TMEM232: variants seen among roughly 807,000 people sequenced by gnomAD.
TMEM232 encodes the protein transmembrane protein 232.
A neutral mutation model predicts 78.8 loss-of-function variants in TMEM232; 80 were observed. That is an observed-to-expected ratio of 1.01 (90% CI 0.85 to 1.22). The LOEUF is 1.22. Among genes scored for constraint, TMEM232 ranks in the 50% most tolerant of loss-of-function variants. The pLI is 0.00. For missense variants in TMEM232, 881 were observed against 742.2 expected, an observed-to-expected ratio of 1.19 and a Z score of -2.17; for synonymous variants, 297 against 254.3, an observed-to-expected ratio of 1.17 and a Z score of -1.60.
chr5:110,581,768 C>T (rs1778234042), intron 10 of TMEM232, among the ~76,000 whole-genome samples: 1 of 151,172 alleles, frequency 6.6e-6, no homozygotes, highest in African/African-American at 2.4e-5. Flanking sequence ...ATGCATCCAA[C>T]AAAGGTCTGA....
At chr5:110,567,231 T>C (rs1458648069) in intron 11 of TMEM232, among the ~76,000 whole-genome samples, 3 of 151,792 alleles carry the variant, frequency 2.0e-5, no homozygotes, top group African/African-American at 4.8e-5. Flanking sequence ...TTCCAAAGAA[T>C]TGTAGATGTT....
At chr5:110,514,513 C>T (rs895820466) in intron 12 of TMEM232, among the ~76,000 whole-genome samples, 1 of 151,916 alleles carries the variant, frequency 6.6e-6, no homozygotes, top group Non-Finnish European at 1.5e-5. Flanking sequence ...TCTATATCCT[C>T]AGGACAAAGC....
At chr5:110,661,107 T>G (rs1186998830) in intron 2 of TMEM232, among the ~76,000 whole-genome samples, 2 of 152,204 alleles carry the variant, frequency 1.3e-5, no homozygotes, top group African/African-American at 4.8e-5. Flanking sequence ...TGTGCCTGAA[T>G]TATTTTACTT....
At chr5:110,667,922 T>C (rs1269824087) in intron 1 of TMEM232, among the ~76,000 whole-genome samples, 3 of 152,130 alleles carry the variant, frequency 2.0e-5, no homozygotes, top group East Asian at 3.9e-4. Flanking sequence ...GCCCAGAATG[T>C]TTTTCCTTTT....
intron 12 of TMEM232, among the ~76,000 whole-genome samples, chr5:110,523,494 T>A (rs1193038077): frequency 6.6e-6 from 1 of 152,166 alleles, no homozygotes; most frequent in African/African-American, 2.4e-5. Context: ...GAGATTTTTC[T>A]TTTTTAATGC....
intron 1 of TMEM232, among the ~76,000 whole-genome samples, chr5:110,674,912 T>C (rs1251815872): frequency 6.6e-6 from 1 of 152,224 alleles, no homozygotes; most frequent in Non-Finnish European, 1.5e-5. Flanking sequence ...TTTGGACATA[T>C]TAGTGACAGA....
At chr5:110,453,682 T>A (rs1156600904) in intron 12 of TMEM232, among the ~76,000 whole-genome samples, 1 of 152,222 alleles carries the variant, frequency 6.6e-6, no homozygotes, top group East Asian at 1.9e-4. Context: ...GATTACCCAG[T>A]GTACGAATTT....
At chr5:110,727,860 A>G (rs910481073), upstream of TMEM232, among the ~76,000 whole-genome samples, 14 of 152,220 alleles carry the variant, frequency 9.2e-5, no homozygotes, top group African/African-American at 3.1e-4. Flanking sequence ...GACAAAGACT[A>G]TAAACTACAT....
At chr5:110,606,803 G>GT (rs1414810039) in intron 8 of TMEM232, among the ~76,000 whole-genome samples, 8 of 151,526 alleles carry the variant, frequency 5.3e-5, no homozygotes, top group East Asian at 3.9e-4. Context: ...TGAAAGACTA[G>GT]TTTTTTTTAA....
intron 8 of TMEM232, among the ~76,000 whole-genome samples, chr5:110,611,288 TTTA>T (rs1240135533): frequency 6.6e-6 from 1 of 152,152 alleles, no homozygotes; most frequent in Non-Finnish European, 1.5e-5. Context: ...GGGAAACTAT[TTTA>T]AAGAATAAAT....
intron 11 of TMEM232, among the ~76,000 whole-genome samples, chr5:110,534,012 T>C (rs1771945055): frequency 6.6e-6 from 1 of 152,194 alleles, no homozygotes; most frequent in South Asian, 2.1e-4. Context: ...CTCCCTTCCC[T>C]ACACATCAAG....
chr5:110,527,803 AG>A (rs1770812037), intron 12 of TMEM232, among the ~76,000 whole-genome samples: 1 of 152,042 alleles, frequency 6.6e-6, no homozygotes, highest in African/African-American at 2.4e-5. Context: ...CTGACTTTAT[AG>A]TAAATGTATT....
chr5:110,667,806 T>C (rs1002506302), intron 1 of TMEM232: 1 of 152,294 alleles, frequency 6.6e-6, no homozygotes, highest in Non-Finnish European at 1.5e-5. Context: ...ATGTAATCAC[T>C]TGTGATCATA....
chr5:110,413,812 T>C (rs1312416374), intron 2 of TMEM232, among the ~76,000 whole-genome samples: 1 of 152,192 alleles, frequency 6.6e-6, no homozygotes, highest in Non-Finnish European at 1.5e-5. Flanking sequence ...GACTCACTAT[T>C]TTGAACAGAA....
chr5:110,619,290 T>C (rs886140097), intron 7 of TMEM232, among the ~76,000 whole-genome samples: 1 of 152,160 alleles, frequency 6.6e-6, no homozygotes, highest in East Asian at 1.9e-4. Flanking sequence ...ATAATTCTTA[T>C]TTATTATATA....
intron 7 of TMEM232, among the ~76,000 whole-genome samples, chr5:110,619,803 G>A (rs1401592036): frequency 6.6e-6 from 1 of 151,866 alleles, no homozygotes; most frequent in South Asian, 2.1e-4. Context: ...TGAATAAATA[G>A]GTAAATAAAT....
rs748706767 is a variant in TMEM232 at position 110,542,701 on chromosome 5, C to T, written c.1456-13866G>A. Among the ~76,000 whole-genome samples the T allele has an allele frequency of 3.9e-5, 6 of 152,154 alleles. No individual in the cohort carries two copies. In the East Asian group the frequency reaches 1.2e-3, roughly 29 times the overall value. Reference sequence around the variant, plus strand: ...AGGTCTGGAGGCAGGGAACCTAAGGCCAATTCACAACGACTTCCTGGAACT... The same window carrying T: ...AGGTCTGGAGGCAGGGAACCTAAGGTCAATTCACAACGACTTCCTGGAACT... On this transcript the variant is annotated intron_variant, in intron 11 of 13. Coordinates refer to ENST00000455884, the MANE Select transcript of TMEM232 (RefSeq NM_001039763.4).
At chr5:110,616,795 T>G (rs1782975541) in intron 8 of TMEM232, among the ~76,000 whole-genome samples, 1 of 151,950 alleles carries the variant, frequency 6.6e-6, no homozygotes, top group Admixed American at 6.6e-5. Context: ...ATCAAAAAGA[T>G]GAAAGATAAC....
chr5:110,526,025 C>CAAAAAA (rs758110596), intron 12 of TMEM232, among the ~76,000 whole-genome samples: 2 of 47,806 alleles, frequency 4.2e-5, no homozygotes, highest in African/African-American at 8.4e-5. Context: ...CACCATACAC[C>CAAAAAA]AAAAAAAAAA....
Sources: allele counts gnomAD v4.1 joint callset (sites outside exome capture counted in the v4.1 genomes callset), GRCh38; gene constraint gnomAD v4.1.1; transcripts MANE v1.5; gene names NCBI Gene and HGNC (gene_info 2026-07-23, HGNC 2026-07-21).